IRF5: variants seen among roughly 807,000 people sequenced by gnomAD.
The protein encoded by IRF5 is interferon regulatory factor 5.
IRF5 carries 24 observed loss-of-function variants against 55.1 expected under a neutral mutation model. The observed-to-expected ratio is 0.44, with a 90% CI of 0.32 to 0.61. The LOEUF (loss-of-function observed/expected upper bound fraction) is 0.61, where lower values mean the gene tolerates loss of function less well. Among genes scored for constraint, IRF5 ranks in the 20% least tolerant of loss-of-function variants. The pLI is 0.07. For synonymous variants in IRF5, 258 were observed against 260.2 expected (o/e 0.99, Z 0.08); for missense variants, 499 against 658.5 (o/e 0.76, Z 2.65).
At chr7:128,939,602 G>A (rs1795913726) in intron 1 of IRF5, among the ~76,000 whole-genome samples, 1 of 152,134 alleles carries the variant, frequency 6.6e-6, no homozygotes. Context: ...ACTCTTACTA[G>A]GACTGCTGTG....
chr7:128,948,502 G>A lies in IRF5; in HGVS notation c.1300-71G>A. ...GGTCTATTACTCACCCCTGATGGCT[G>A]TCCTCATGCACAGCTGGATCTGGCA... On this transcript the variant is annotated intron_variant, in intron 8 of 8. Transcript: ENST00000357234. This position sits in a 1 kb window ranked among gnomAD's most constrained non-coding sequence, Gnocchi z 4.6. 1 of 1,590,182 alleles carries A rather than the reference G, an allele frequency of 6.3e-7. No individual in the cohort carries two copies. The highest frequency in any genetic ancestry group is 8.6e-7 in the Non-Finnish European group (1 of 1,168,934).
Position 128,948,213 on chromosome 7 carries a change from T to C in IRF5, c.1184T>C (p.Leu395Pro). The C allele has an allele frequency of 6.2e-7, 1 of 1,612,990 alleles. No homozygotes were observed. Among genetic ancestry groups the C allele is most frequent in the Non-Finnish European group, 8.5e-7 (1 of 1,179,412 alleles). The change falls in exon 8 of 9, where the codon CTC becomes CCC. Residue 395 changes from leucine (L) to proline (P), a missense_variant. Transcript: ENST00000357234. This position sits in a 1 kb window ranked among gnomAD's most constrained non-coding sequence, Gnocchi z 4.6. Reference protein sequence around the residue: ...LFSLEHFLNELILFQKGQTNT... With the variant: ...LFSLEHFLNEPILFQKGQTNT... The stretch of plus-strand genomic sequence containing the variant: ...AGGGACCTTGATTTTGATGCAGAGC[T>C]CATCCTGTTCCAAAAGGGCCAGACC...
Position 128,948,729 on chromosome 7 carries a change from C to A in IRF5, c.1456C>A (p.Arg486=), listed in dbSNP as rs537292247. 6 of 1,613,596 alleles carry A rather than the reference C, an allele frequency of 3.7e-6. No homozygotes were observed. The African/African-American group carries it at 5.3e-5, about 14-fold the overall frequency. ...ELHHIWQSQQ[R]LQPVAQAPPG... ...CCATCACATCTGGCAGTCCCAGCAG[C>A]GGTTGCAGCCTGTGGCCCAGGCCCC... The change falls in exon 9 of 9, where the codon CGG becomes AGG. Residue 486 remains arginine (R), a synonymous_variant. Transcript: ENST00000357234. The surrounding 1 kb of genome is among the most constrained non-coding windows in gnomAD (Gnocchi z 4.6).
At position 128,942,052 on chromosome 7, in the gene IRF5, C is replaced by T; in HGVS notation, c.-11-19C>T. ...CACCTGCAGACCTGCTGAGGCTCCC[C>T]TCTGGCTTTCTCCTGCAGACCCCTC... On this transcript the variant is annotated intron_variant, in intron 1 of 8. Coordinates refer to ENST00000357234, the MANE Select transcript of IRF5 (RefSeq NM_001098629.3). 1.9e-6 allele frequency: 3 copies of T among 1,572,286 alleles called. No individual in the cohort carries two copies. The highest frequency in any genetic ancestry group is 1.3e-5 in the African/African-American group (1 of 74,092).
In IRF5 at chr7:128,942,294, G is replaced by C; in HGVS notation, c.195+18G>C. 2 of 1,598,326 alleles carry C rather than the reference G, an allele frequency of 1.3e-6. No homozygotes were observed. Among genetic ancestry groups the C allele is most frequent in the Non-Finnish European group, 1.7e-6 (2 of 1,170,080 alleles). ...TCTTCAAGGTAAGCCCCGGGGAGGA[G>C]GTTGGCTGGACCTCCAGGGCACCCT... is the stretch of plus-strand genomic sequence containing the variant. On this transcript the variant is annotated intron_variant, in intron 2 of 8. Transcript: ENST00000357234.
At chr7:128,937,133 A>C (rs1282922005), upstream of IRF5, among the ~76,000 whole-genome samples, 1 of 152,196 alleles carries the variant, frequency 6.6e-6, no homozygotes, top group African/African-American at 2.4e-5. Flanking sequence ...AGCTATTTGC[A>C]CCCTGGAACC....
chr7:128,938,670 C>G (rs912413344), intron 1 of IRF5, among the ~76,000 whole-genome samples: 1 of 152,176 alleles, frequency 6.6e-6, no homozygotes, highest in Admixed American at 6.5e-5. Flanking sequence ...ATGGCAGACT[C>G]TCGTCCCCCG....
chr7:128,946,922 C>T lies in IRF5; in HGVS notation c.448-101C>T. The T allele has an allele frequency of 6.9e-7, 1 of 1,450,278 alleles. No individual in the cohort carries two copies. 89.8% of individuals were successfully genotyped at this position (1,450,278 alleles called of 1,614,324 possible). A position where few individuals can be genotyped will look rare whatever the true frequency, so the allele number is the denominator to read the frequency against. On this transcript the variant is annotated intron_variant, in intron 4 of 8. Transcript: ENST00000357234. This position sits in a 1 kb window ranked among gnomAD's most constrained non-coding sequence, Gnocchi z 4.2. ...TAAACTGAGGCTAGGGGAGTTGCCT[C>T]ATAGTTCTCGCCTGTTATTTCCCCA...
Position 128,948,178 on chromosome 7 carries a change from G to A in IRF5, c.1181-32G>A. On this transcript the variant is annotated intron_variant, in intron 7 of 8. Transcript: ENST00000357234. The surrounding 1 kb of genome is among the most constrained non-coding windows in gnomAD (Gnocchi z 4.6). ...GCCTCTTGCCCAGGGCATGGTTCCA[G>A]CCTCTGACTAGGGACCTTGATTTTG... The A allele has an allele frequency of 1.2e-6, 2 of 1,612,014 alleles. No homozygotes were observed. Among genetic ancestry groups the A allele is most frequent in the South Asian group, 2.2e-5 (2 of 90,836 alleles).
chr7:128,946,756 C>CTG lies in IRF5; in HGVS notation c.447+203_447+204dup. On this transcript the variant is annotated intron_variant, in intron 4 of 8. Coordinates refer to ENST00000357234, the MANE Select transcript of IRF5 (RefSeq NM_001098629.3). This position sits in a 1 kb window ranked among gnomAD's most constrained non-coding sequence, Gnocchi z 4.2. Reference sequence around the variant, plus strand: ...TCCTTCCCAGGGCATTGTCATTACCCTGTGTGTGTGACCCACGCAGCAGTT... The same window carrying CTG: ...TCCTTCCCAGGGCATTGTCATTACCCTGTGTGTGTGTGACCCACGCAGCAGTT... The CTG allele has an allele frequency of 1.6e-6, 1 of 635,772 alleles. No homozygotes were observed. Among genetic ancestry groups the CTG allele is most frequent in the Admixed American group, 2.5e-5 (1 of 39,788 alleles). The allele number at this position is 635,772 out of a possible 1,614,324, so 39.4% of individuals were successfully genotyped here.
At position 128,947,928 on chromosome 7, in the gene IRF5, C is replaced by A; in HGVS notation, c.987C>A (p.Tyr329Ter). The stretch of plus-strand genomic sequence containing the variant: ...TCCCCAGTGACAAGCAGCGCTTCTA[C>A]ACGAACCAGCTGCTGGATGTCCTGG... Reference protein sequence around the residue: ...EDIPSDKQRFYTNQLLDVLDR... With the variant: ...EDIPSDKQRF The change falls in exon 7 of 9, where the codon TAC becomes TAA. Residue 329 changes from tyrosine to a stop codon, truncating the protein, a stop_gained. Coordinates refer to ENST00000357234, the MANE Select transcript of IRF5 (RefSeq NM_001098629.3). LOFTEE classifies it high-confidence loss of function. This position sits in a 1 kb window ranked among gnomAD's most constrained non-coding sequence, Gnocchi z 6.5. 1 of 1,614,148 alleles carries A rather than the reference C, an allele frequency of 6.2e-7. No homozygotes were observed.
chr7:128,946,017 AT>A lies in IRF5; in HGVS notation c.369del (p.Asn123LysfsTer35). On this transcript the variant is annotated frameshift_variant, in exon 3 of 9. Coordinates refer to ENST00000357234, the MANE Select transcript of IRF5 (RefSeq NM_001098629.3). LOFTEE classifies it high-confidence loss of function. The surrounding 1 kb of genome is among the most constrained non-coding windows in gnomAD (Gnocchi z 4.2). ...TACAAGATCTACGAGGTCTGCTCCAATGGCCCTGCTCCCACAGGTATCAGGC... is the reference window on the plus strand; with the variant it reads ...TACAAGATCTACGAGGTCTGCTCCAAGGCCCTGCTCCCACAGGTATCAGGC... The part of the protein sequence containing the change: ...QPYKIYEVCS[N>X]GPAPTDSQPP... The A allele has an allele frequency of 6.2e-7, 1 of 1,605,792 alleles. No individual in the cohort carries two copies. Among genetic ancestry groups the A allele is most frequent in the Non-Finnish European group, 8.5e-7 (1 of 1,177,422 alleles).
chr7:128,937,637 C>T (rs1212705408), upstream of IRF5: 1 of 152,304 alleles, frequency 6.6e-6, no homozygotes, highest in African/African-American at 2.4e-5. Flanking sequence ...CCCCGGAGGA[C>T]CAGAGTGGGG....
At chr7:128,945,742 C>T (rs1212709943) in intron 2 of IRF5, 103 bp from the exon 3 acceptor site, 15 of 1,167,616 alleles carry the variant, frequency 1.3e-5, no homozygotes, top group Non-Finnish European at 1.7e-5. Flanking sequence ...AGCCTGTAGC[C>T]GAAGTTCTCC....
chr7:128,945,020 C>T (rs914919294), intron 2 of IRF5, among the ~76,000 whole-genome samples: 2 of 152,170 alleles, frequency 1.3e-5, no homozygotes, highest in African/African-American at 4.8e-5. Context: ...TAACCCTCAC[C>T]TCACCTAATT....
chr7:128,939,957 C>T (rs1448044126), intron 1 of IRF5, among the ~76,000 whole-genome samples: 2 of 152,210 alleles, frequency 1.3e-5, no homozygotes, highest in South Asian at 4.1e-4. Flanking sequence ...TGAATTAGAC[C>T]TAGCCCTTTT....
In IRF5 at chr7:128,946,802, C is replaced by T. The variant is rs760249115; in HGVS notation, c.448-221C>T. ...CAGTTGGGGCTTGGTAGGTCTGACT[C>T]CCTGCAGAAGGCAAATGAGGAAAGT... On this transcript the variant is annotated intron_variant, in intron 4 of 8. Transcript: ENST00000357234. This position sits in a 1 kb window ranked among gnomAD's most constrained non-coding sequence, Gnocchi z 4.2. The T allele has an allele frequency of 1.1e-5, 7 of 662,378 alleles. No individual in the cohort carries two copies. Among genetic ancestry groups the T allele is most frequent in the Non-Finnish European group, 1.6e-5 (6 of 374,656 alleles). 41.0% of individuals were successfully genotyped at this position (662,378 alleles called of 1,614,324 possible).
chr7:128,948,069 C>T lies in IRF5; in HGVS notation c.1128C>T (p.Pro376=), dbSNP rs780946066. 6.2e-7 allele frequency: 1 copy of T among 1,614,186 alleles called. No homozygotes were observed. The highest frequency in any genetic ancestry group is 8.5e-7 in the Non-Finnish European group (1 of 1,180,010). The change falls in exon 7 of 9, where the codon CCC becomes CCT. Residue 376 remains proline, a synonymous_variant. Coordinates refer to ENST00000357234, the MANE Select transcript of IRF5 (RefSeq NM_001098629.3). This position sits in a 1 kb window ranked among gnomAD's most constrained non-coding sequence, Gnocchi z 4.6. ...CASAHDSCPN[P]IQREVKTKLF... ...CAGCCCATGACTCATGCCCCAACCCCATCCAGCGGGAGGTCAAGACCAAGC... is the reference window on the plus strand; with the variant it reads ...CAGCCCATGACTCATGCCCCAACCCTATCCAGCGGGAGGTCAAGACCAAGC...
At chr7:128,944,011 A>G (rs548010866) in intron 2 of IRF5, among the ~76,000 whole-genome samples, 1 of 152,298 alleles carries the variant, frequency 6.6e-6, no homozygotes, top group East Asian at 1.9e-4. Flanking sequence ...TGCTCTCTCC[A>G]ATAATCTTAA....
Sources: gnomAD v4.1 joint callset for allele counts (sites outside exome capture counted in the v4.1 genomes callset) on GRCh38, gnomAD v4.1.1 for gene constraint, Gnocchi (gnomAD v3.1) non-coding constraint, MANE v1.5 for transcripts, NCBI Gene and HGNC (gene_info 2026-07-23, HGNC 2026-07-21) for gene names.